Variants in ANKS1B observed in about 807,000 individuals in gnomAD.
ANKS1B encodes the protein ankyrin repeat and sterile alpha motif domain containing 1B.
Under a neutral mutation model 148.3 loss-of-function variants are expected in ANKS1B, and 36 were observed. That is an observed-to-expected ratio of 0.24 (90% CI 0.19 to 0.32). The LOEUF is 0.32. Among genes scored for constraint, ANKS1B ranks in the 10% least tolerant of loss-of-function variants. ANKS1B has a pLI of 1.00. For missense variants in ANKS1B, 1,157 were observed against 1,542.6 expected (o/e 0.75, Z 4.19); for synonymous variants, 542 against 560.8 (o/e 0.97, Z 0.47).
chr12:98,829,290 T>C lies in ANKS1B; in HGVS notation c.2950A>G (p.Thr984Ala). ...TGAGGAACGTCTAGGGAGCCACCAGTGGTGTAAGTGCTTTGGCTAAGTGAT... is the reference window on the plus strand; with the variant it reads ...TGAGGAACGTCTAGGGAGCCACCAGCGGTGTAAGTGCTTTGGCTAAGTGAT... ...SPSLSQSTYT[T>A]GGSLDVPHII... The change falls in exon 19 of 27, where the codon ACT becomes GCT. Residue 984 changes from threonine to alanine, a missense_variant. Thr to Ala is a moderately conservative substitution (Grantham distance 58). Coordinates refer to ENST00000683438, the MANE Select transcript of ANKS1B (RefSeq NM_001352186.2). The surrounding 1 kb of genome is among the most constrained non-coding windows in gnomAD (Gnocchi z 5.2). The C allele has an allele frequency of 6.2e-7, 1 of 1,613,966 alleles. No individual in the cohort carries two copies. Among genetic ancestry groups the C allele is most frequent in the Non-Finnish European group, 8.5e-7 (1 of 1,179,874 alleles).
chr12:99,969,357 T>C (rs900781048), intron 1 of ANKS1B, among the ~76,000 whole-genome samples: 3 of 152,152 alleles, frequency 2.0e-5, no homozygotes, highest in Middle Eastern at 3.2e-3. Flanking sequence ...TTTATTTTTT[T>C]ATTTTCTGTA....
intron 17 of ANKS1B, among the ~76,000 whole-genome samples, chr12:98,970,705 C>T (rs1303902542): frequency 6.6e-6 from 1 of 152,128 alleles, no homozygotes; most frequent in Non-Finnish European, 1.5e-5. Context: ...AGGAGATGCC[C>T]AATAAGTTTA....
intron 17 of ANKS1B, among the ~76,000 whole-genome samples, chr12:98,910,519 A>C (rs766307710): frequency 9.9e-5 from 15 of 152,168 alleles, no homozygotes; most frequent in Non-Finnish European, 1.8e-4. Context: ...AATACAGAGA[A>C]CATGCTGAAA....
Position 99,720,156 on chromosome 12 carries a change from T to G in ANKS1B, c.1128+52766A>C, listed in dbSNP as rs150142434. 7.5e-4 allele frequency among the ~76,000 whole-genome samples: 115 copies of G among 152,346 alleles called. 1 individual carries two copies. Among genetic ancestry groups the G allele is most frequent in the African/African-American group, 2.3e-3 (96 of 41,578 alleles). On this transcript the variant is annotated intron_variant, in intron 8 of 26. Transcript: ENST00000683438. Reference sequence around the variant, plus strand: ...TATCCTCAAGGAAAGCACTTCTCAGTGTTCTATCTGCTATTCTACTACCCT... The same window carrying G: ...TATCCTCAAGGAAAGCACTTCTCAGGGTTCTATCTGCTATTCTACTACCCT...
intron 19 of ANKS1B, among the ~76,000 whole-genome samples, chr12:98,819,804 C>A (rs894450518): frequency 3.3e-5 from 5 of 152,176 alleles, no homozygotes; most frequent in Admixed American, 2.0e-4. Flanking sequence ...ACAGAAGAAT[C>A]TTCTAGCTAT....
Position 99,630,156 on chromosome 12 carries a change from T to C in ANKS1B, c.1272+24911A>G, listed in dbSNP as rs80064340. ...AATAGCAGAGAAAAATATAGAAATA[T>C]GAAGCATATTTCTATATGTAAATAC... On this transcript the variant is annotated intron_variant, in intron 9 of 26. Coordinates refer to ENST00000683438, the MANE Select transcript of ANKS1B (RefSeq NM_001352186.2). 2.0e-4 allele frequency among the ~76,000 whole-genome samples: 30 copies of C among 152,230 alleles called. No individual in the cohort carries two copies. In the East Asian group the frequency reaches 5.8e-3, roughly 29 times the overall value.
intron 9 of ANKS1B, among the ~76,000 whole-genome samples, chr12:99,554,958 T>C (rs2097260905): frequency 1.3e-5 from 2 of 152,160 alleles, no homozygotes; most frequent in Admixed American, 1.3e-4. Context: ...TAATTGGTTT[T>C]CTGTTCCTGT....
At chr12:99,326,033 A>G (rs1182500985) in intron 12 of ANKS1B, among the ~76,000 whole-genome samples, 1 of 152,024 alleles carries the variant, frequency 6.6e-6, no homozygotes, top group Non-Finnish European at 1.5e-5. Flanking sequence ...GAAGTGTGAA[A>G]AGAGTCCATT....
intron 19 of ANKS1B, among the ~76,000 whole-genome samples, chr12:98,822,525 AGGT>A (rs2099205872): frequency 6.6e-6 from 1 of 152,210 alleles, no homozygotes. Context: ...AAATATCACA[AGGT>A]CAATTCCACT....
chr12:99,444,492 A>G (rs567394002), intron 10 of ANKS1B, among the ~76,000 whole-genome samples: 1 of 152,162 alleles, frequency 6.6e-6, no homozygotes, highest in East Asian at 1.9e-4. Flanking sequence ...TAAAGAAAAG[A>G]TGACTTGAAA....
intron 10 of ANKS1B, among the ~76,000 whole-genome samples, chr12:99,461,035 T>C (rs534375505): frequency 6.6e-6 from 1 of 150,914 alleles, no homozygotes; most frequent in East Asian, 1.9e-4. Context: ...GAAAATGTGG[T>C]GGATATATAC....
chr12:98,913,548 T>G (rs1208257127), intron 17 of ANKS1B, among the ~76,000 whole-genome samples: 1 of 152,204 alleles, frequency 6.6e-6, no homozygotes, highest in Non-Finnish European at 1.5e-5. Context: ...ACTTCCTCAG[T>G]GTACATCTCC....
intron 12 of ANKS1B, among the ~76,000 whole-genome samples, chr12:99,250,535 C>T (rs868846840): frequency 6.6e-6 from 1 of 152,218 alleles, no homozygotes; most frequent in Middle Eastern, 3.2e-3. Flanking sequence ...TGAGTGAGGG[C>T]ATCTAGGACC....
chr12:99,324,011 T>C (rs1264961645), intron 12 of ANKS1B, among the ~76,000 whole-genome samples: 4 of 152,204 alleles, frequency 2.6e-5, no homozygotes, highest in East Asian at 1.9e-4. Flanking sequence ...CCACACATAA[T>C]TGTATTAGTA....
At chr12:99,366,642 G>T (rs1437139952) in intron 12 of ANKS1B, among the ~76,000 whole-genome samples, 1 of 152,042 alleles carries the variant, frequency 6.6e-6, no homozygotes, top group East Asian at 1.9e-4. Flanking sequence ...CAGCTTGATA[G>T]ACATTTGGAA....
At chr12:99,145,771 TCTGTCCTTTTACTG>T (rs2153808353) in intron 15 of ANKS1B, among the ~76,000 whole-genome samples, 1 of 152,218 alleles carries the variant, frequency 6.6e-6, no homozygotes, top group East Asian at 1.9e-4. Context: ...GTGGTGAAAT[TCTGTCCTTTTACTG>T]AATTAAGCAG....
intron 17 of ANKS1B, among the ~76,000 whole-genome samples, chr12:98,954,893 G>A (rs1197963640): frequency 2.0e-5 from 3 of 152,164 alleles, no homozygotes; most frequent in East Asian, 3.9e-4. Context: ...TAATGCTCAG[G>A]ACATAGAGCT....
At chr12:99,951,430 C>T (rs1006157890) in intron 1 of ANKS1B, among the ~76,000 whole-genome samples, 1 of 152,166 alleles carries the variant, frequency 6.6e-6, no homozygotes, top group South Asian at 2.1e-4. Flanking sequence ...AACTCAGAGA[C>T]ATAAAACAAT....
intron 12 of ANKS1B, among the ~76,000 whole-genome samples, chr12:99,283,180 T>C (rs997786740): frequency 1.3e-5 from 2 of 152,146 alleles, no homozygotes; most frequent in Non-Finnish European, 2.9e-5. Flanking sequence ...TTCCAAAGGC[T>C]GAAAAGAAGT....
Sources: allele counts gnomAD v4.1 joint callset (sites outside exome capture counted in the v4.1 genomes callset), GRCh38; gene constraint gnomAD v4.1.1; non-coding constraint Gnocchi (gnomAD v3.1); transcripts MANE v1.5; gene names NCBI Gene and HGNC (gene_info 2026-07-23, HGNC 2026-07-21).